The following AGBL4 variants were observed in gnomAD, a reference collection of about 807,000 sequenced individuals.
The protein encoded by AGBL4 is AGBL carboxypeptidase 4.
AGBL4 carries 58 observed loss-of-function variants against 66.4 expected under a neutral mutation model. The ratio of observed to expected loss-of-function variants is 0.87; its 90% CI spans 0.71 to 1.09. The LOEUF (loss-of-function observed/expected upper bound fraction) is 1.09. Among genes scored for constraint, AGBL4 ranks in the 50% least tolerant of loss-of-function variants. The pLI is 0.00. For missense variants in AGBL4, 579 were observed against 631.0 expected (o/e 0.92, Z 0.88); for synonymous variants, 234 against 222.9 (o/e 1.05, Z -0.44).
At chr1:49,665,758 T>G (rs1646352287) in intron 3 of AGBL4, among the ~76,000 whole-genome samples, 1 of 152,018 alleles carries the variant, frequency 6.6e-6, no homozygotes, top group Non-Finnish European at 1.5e-5. Context: ...AGTGAAATAA[T>G]TTTTCACTTA....
chr1:49,865,758 T>A (rs1646684257), intron 1 of AGBL4, among the ~76,000 whole-genome samples: 1 of 152,124 alleles, frequency 6.6e-6, no homozygotes, highest in South Asian at 2.1e-4. Flanking sequence ...GAGGCTGAGA[T>A]GGATGAACTG....
chr1:48,635,489 T>C (rs2148416293), intron 8 of AGBL4, among the ~76,000 whole-genome samples: 1 of 152,372 alleles, frequency 6.6e-6, no homozygotes, highest in Non-Finnish European at 1.5e-5. Flanking sequence ...CTAGCCTCTC[T>C]GGCAAGTCCA....
chr1:48,847,071 G>T (rs111933331), intron 6 of AGBL4, among the ~76,000 whole-genome samples: 5,832 of 151,878 alleles, frequency 0.038, 367 homozygotes, highest in African/African-American at 0.13. Context: ...GAGGCCGAGG[G>T]GGGTGGATCA....
intron 1 of AGBL4, among the ~76,000 whole-genome samples, chr1:49,864,505 G>C (rs1403269924): frequency 3.9e-5 from 6 of 152,130 alleles, no homozygotes; most frequent in South Asian, 2.1e-4. Context: ...GAAAGACTAG[G>C]TGGTTGGCGC....
intron 1 of AGBL4, among the ~76,000 whole-genome samples, chr1:49,917,301 A>C (rs1651642728): frequency 6.6e-6 from 1 of 152,154 alleles, no homozygotes; most frequent in South Asian, 2.1e-4. Context: ...AAATTGGATA[A>C]ACACTCAAGA....
At chr1:49,012,123 G>A (rs1013485012) in intron 5 of AGBL4, among the ~76,000 whole-genome samples, 6 of 152,064 alleles carry the variant, frequency 3.9e-5, no homozygotes, top group Non-Finnish European at 1.5e-5. Context: ...GGTGTGAAAA[G>A]CAGGCAGATT....
intron 1 of AGBL4, among the ~76,000 whole-genome samples, chr1:49,977,662 C>T (rs1255448078): frequency 6.6e-6 from 1 of 152,136 alleles, no homozygotes; most frequent in Non-Finnish European, 1.5e-5. Flanking sequence ...CGTTTTATTT[C>T]ACTTCATTTT....
rs982017999 is a variant in AGBL4 at position 48,621,388 on chromosome 1, T to C, written c.951+13105A>G. 5.9e-5 allele frequency among the ~76,000 whole-genome samples: 9 copies of C among 152,322 alleles called. No homozygotes were observed. The East Asian group carries it at 1.7e-3, about 29-fold the overall frequency. Reference sequence around the variant, plus strand: ...CCTAGAACCAGGCAATGGACTCTAATGAGTTTTGTTCTGTTTTATAAAATA... The same window carrying C: ...CCTAGAACCAGGCAATGGACTCTAACGAGTTTTGTTCTGTTTTATAAAATA... On this transcript the variant is annotated intron_variant, in intron 9 of 13. Coordinates refer to ENST00000371839, the MANE Select transcript of AGBL4 (RefSeq NM_032785.4).
At chr1:49,873,542 T>C (rs1357494254) in intron 1 of AGBL4, among the ~76,000 whole-genome samples, 1 of 152,118 alleles carries the variant, frequency 6.6e-6, no homozygotes, top group Admixed American at 6.6e-5. Flanking sequence ...AGTCAGATAT[T>C]GCCACAGGTA....
intron 4 of AGBL4, among the ~76,000 whole-genome samples, chr1:49,078,743 C>T (rs1644756202): frequency 6.6e-6 from 1 of 152,238 alleles, no homozygotes; most frequent in Middle Eastern, 3.4e-3. Context: ...TTCTCCTGGA[C>T]CACTTCAGCA....
intron 3 of AGBL4, among the ~76,000 whole-genome samples, chr1:49,506,195 T>C (rs1308233420): frequency 6.6e-6 from 1 of 152,024 alleles, no homozygotes; most frequent in Non-Finnish European, 1.5e-5. Flanking sequence ...CTTTCTGGGC[T>C]AGGCAGCAAA....
At chr1:49,948,353 TAAATATATAAATACATA>T in intron 1 of AGBL4, among the ~76,000 whole-genome samples, 1 of 110,020 alleles carries the variant, frequency 9.1e-6, no homozygotes, top group Non-Finnish European at 1.7e-5. Context: ...TAAATATATA[TAAATATATAAATACATA>T]AAATATATAA....
chr1:49,991,636 C>T (rs911011451), intron 1 of AGBL4, among the ~76,000 whole-genome samples: 2 of 152,242 alleles, frequency 1.3e-5, no homozygotes, highest in Non-Finnish European at 2.9e-5. Flanking sequence ...ATCATATCCA[C>T]ATGGATATAC....
At chr1:48,667,305 T>A (rs366366) in intron 6 of AGBL4, among the ~76,000 whole-genome samples, 87,912 of 152,056 alleles carry the variant, frequency 0.58, 25,619 homozygotes, top group Middle Eastern at 0.68. Flanking sequence ...CTTTCTTGAA[T>A]GGCTCACCCT....
intron 2 of AGBL4, among the ~76,000 whole-genome samples, chr1:49,834,985 C>A (rs555839354): frequency 6.6e-6 from 1 of 152,260 alleles, no homozygotes; most frequent in African/African-American, 2.4e-5. Context: ...GAATGTTTTA[C>A]TTCCAATTAT....
At chr1:49,332,168 G>T (rs1046878474) in intron 3 of AGBL4, among the ~76,000 whole-genome samples, 1 of 152,188 alleles carries the variant, frequency 6.6e-6, no homozygotes, top group African/African-American at 2.4e-5. Flanking sequence ...ACTTATTCAG[G>T]ATGAAGGCAA....
chr1:48,844,768 GACCCTTAT>G (rs1646875386), intron 6 of AGBL4, among the ~76,000 whole-genome samples: 1 of 152,176 alleles, frequency 6.6e-6, no homozygotes, highest in South Asian at 2.1e-4. Flanking sequence ...AGTCAACAGT[GACCCTTAT>G]CACACAGTAT....
chr1:49,811,418 C>T (rs1473498578), intron 2 of AGBL4, among the ~76,000 whole-genome samples: 1 of 152,060 alleles, frequency 6.6e-6, no homozygotes, highest in Non-Finnish European at 1.5e-5. Context: ...AAGAGAATGG[C>T]TTTCTTGGGT....
chr1:49,454,813 G>A (rs1368614165), intron 3 of AGBL4, among the ~76,000 whole-genome samples: 1 of 151,596 alleles, frequency 6.6e-6, no homozygotes, highest in Non-Finnish European at 1.5e-5. Context: ...GACCAGTGTG[G>A]TTGTTCTATA....
Sources: gnomAD v4.1 joint callset for allele counts (sites outside exome capture counted in the v4.1 genomes callset) on GRCh38, gnomAD v4.1.1 for gene constraint, MANE v1.5 for transcripts, NCBI Gene and HGNC (gene_info 2026-07-23, HGNC 2026-07-21) for gene names.